CHST9: variants seen among roughly 807,000 people sequenced by gnomAD.
CHST9 encodes GalNAc-4-sulfotransferase 2.
In CHST9, 41 loss-of-function variants were observed where a neutral mutation model predicts 44.4. The observed-to-expected ratio is 0.92, with a 90% CI of 0.72 to 1.20. CHST9 has a LOEUF of 1.20. Among genes scored for constraint, CHST9 ranks in the 50% most tolerant of loss-of-function variants. The pLI is 0.00. For missense variants in CHST9, 504 were observed against 516.5 expected (o/e 0.98, Z 0.23); for synonymous variants, 171 against 178.4 (o/e 0.96, Z 0.33).
chr18:26,951,325 A>G (rs2056244675), intron 4 of CHST9, among the ~76,000 whole-genome samples: 1 of 152,158 alleles, frequency 6.6e-6, no homozygotes, highest in African/African-American at 2.4e-5. Flanking sequence ...TTGATTAATC[A>G]CCCCGAACTG....
At chr18:26,929,848 G>T (rs2055844585) in intron 5 of CHST9, among the ~76,000 whole-genome samples, 1 of 152,256 alleles carries the variant, frequency 6.6e-6, no homozygotes, top group East Asian at 1.9e-4. Context: ...AGGTGAAGCT[G>T]GGGGCTATGA....
chr18:26,957,827 C>T (rs1371979492), intron 4 of CHST9, among the ~76,000 whole-genome samples: 5 of 152,102 alleles, frequency 3.3e-5, no homozygotes, highest in Non-Finnish European at 5.9e-5. Flanking sequence ...TGCCTAGGTA[C>T]ATTTTATGTT....
rs2055384269 is a variant in CHST9 at position 26,907,388 on chromosome 18, G to A, written c.*8871C>T. On this transcript the variant is annotated 3_prime_UTR_variant, in exon 6 of 6. Coordinates refer to ENST00000618847, the MANE Select transcript of CHST9 (RefSeq NM_031422.6). ...GTTCAGCTTTGGTCATGTTGAGTTG[G>A]AAGCTCCAGTGAGACATCTAGATGA... 1 of 152,320 alleles carries A rather than the reference G, an allele frequency of 6.6e-6. No homozygotes were observed. Among genetic ancestry groups the A allele is most frequent in the Non-Finnish European group, 1.5e-5 (1 of 68,054 alleles). The allele number at this position is 152,320 out of a possible 1,614,324, so 9.4% of individuals were successfully genotyped here. A position where few individuals can be genotyped will look rare whatever the true frequency, so the allele number is the denominator to read the frequency against.
chr18:27,135,737 G>C (rs778331233), intron 2 of CHST9, among the ~76,000 whole-genome samples: 2 of 152,222 alleles, frequency 1.3e-5, no homozygotes, highest in Non-Finnish European at 2.9e-5. Flanking sequence ...TGTGGACCAA[G>C]GCACGTGTTC....
intron 5 of CHST9, among the ~76,000 whole-genome samples, chr18:26,921,486 G>A (rs1287609998): frequency 6.6e-6 from 1 of 152,052 alleles, no homozygotes; most frequent in East Asian, 1.9e-4. Context: ...ACCTTCTCCT[G>A]GAACTCCTCA....
At chr18:26,987,805 C>G (rs1351551483) in intron 4 of CHST9, among the ~76,000 whole-genome samples, 1 of 152,134 alleles carries the variant, frequency 6.6e-6, no homozygotes, top group Non-Finnish European at 1.5e-5. Flanking sequence ...AGAGAGCTTC[C>G]TTGCCCTTTC....
chr18:27,099,948 T>C (rs1035019651), intron 2 of CHST9, among the ~76,000 whole-genome samples: 2 of 151,896 alleles, frequency 1.3e-5, no homozygotes, highest in Non-Finnish European at 2.9e-5. Context: ...CTATTCACAA[T>C]AGCAAAGACA....
intron 2 of CHST9, among the ~76,000 whole-genome samples, chr18:27,100,754 T>C (rs763979205): frequency 6.6e-6 from 1 of 152,226 alleles, no homozygotes; most frequent in Non-Finnish European, 1.5e-5. Context: ...AAATAAATCA[T>C]AATATGATAA....
intron 5 of CHST9, among the ~76,000 whole-genome samples, chr18:26,932,324 A>C (rs565958549): frequency 8.3e-4 from 126 of 152,312 alleles, no homozygotes; most frequent in Non-Finnish European, 1.6e-3. Context: ...CCTTGCAACA[A>C]ATCTCCTTAT....
At chr18:27,171,335 C>T (rs1452382414) in intron 1 of CHST9, among the ~76,000 whole-genome samples, 1 of 152,134 alleles carries the variant, frequency 6.6e-6, no homozygotes, top group African/African-American at 2.4e-5. Flanking sequence ...CAGGAGGTAG[C>T]ATTACATGAG....
At chr18:27,082,682 T>G (rs2057972141) in intron 2 of CHST9, among the ~76,000 whole-genome samples, 1 of 152,244 alleles carries the variant, frequency 6.6e-6, no homozygotes, top group South Asian at 2.1e-4. Flanking sequence ...TGGTTTCCAC[T>G]GTCATTTACT....
intron 2 of CHST9, among the ~76,000 whole-genome samples, chr18:27,060,080 T>C (rs1297230616): frequency 6.6e-6 from 1 of 152,194 alleles, no homozygotes; most frequent in Non-Finnish European, 1.5e-5. Flanking sequence ...CCCCACCACT[T>C]GGGCACTTAG....
chr18:26,964,620 G>C (rs1223201652), intron 4 of CHST9, among the ~76,000 whole-genome samples: 1 of 152,228 alleles, frequency 6.6e-6, no homozygotes, highest in Non-Finnish European at 1.5e-5. Flanking sequence ...ACCAGTCAGG[G>C]CCTGGGCCAG....
intron 5 of CHST9, among the ~76,000 whole-genome samples, chr18:26,930,040 C>G (rs867662503): frequency 3.9e-5 from 6 of 152,210 alleles, no homozygotes; most frequent in South Asian, 4.1e-4. Context: ...ATCTACTGGT[C>G]CCAGATCAGA....
At chr18:27,184,748 C>T (rs1191400553) in intron 1 of CHST9, among the ~76,000 whole-genome samples, 1 of 152,170 alleles carries the variant, frequency 6.6e-6, no homozygotes, top group African/African-American at 2.4e-5. Context: ...TCTTTCCAAC[C>T]TCTGCATGCC....
In CHST9 at chr18:27,136,493, G is replaced by T. The variant is rs553451099; in HGVS notation, c.121+6196C>A. Among the ~76,000 whole-genome samples the T allele has an allele frequency of 2.0e-5, 3 of 152,302 alleles. No individual in the cohort carries two copies. In the South Asian group the frequency reaches 6.2e-4, roughly 32 times the overall value. Reference sequence around the variant, plus strand: ...ACAATGCTCACCATCTCTGCACACTGCAGGGTGGCTTAGTTGGAGTCCTAG... The same window carrying T: ...ACAATGCTCACCATCTCTGCACACTTCAGGGTGGCTTAGTTGGAGTCCTAG... On this transcript the variant is annotated intron_variant, in intron 2 of 5. Coordinates refer to ENST00000618847, the MANE Select transcript of CHST9 (RefSeq NM_031422.6).
intron 4 of CHST9, among the ~76,000 whole-genome samples, chr18:26,989,490 A>G (rs966568301): frequency 8.5e-5 from 13 of 152,250 alleles, no homozygotes; most frequent in African/African-American, 3.1e-4. Flanking sequence ...GTAACATGAA[A>G]TGGTGCAACC....
chr18:27,065,404 C>T (rs916976094), intron 2 of CHST9, among the ~76,000 whole-genome samples: 7 of 152,116 alleles, frequency 4.6e-5, no homozygotes, highest in African/African-American at 7.2e-5. Flanking sequence ...TTTCTTTTGC[C>T]TTCTAGGGGA....
intron 4 of CHST9, among the ~76,000 whole-genome samples, chr18:26,978,566 G>A (rs409532): frequency 6.6e-6 from 1 of 152,116 alleles, no homozygotes; most frequent in Non-Finnish European, 1.5e-5. Flanking sequence ...AGCGAAGACA[G>A]AAGTGTCTAT....
Sources: allele counts gnomAD v4.1 joint callset (sites outside exome capture counted in the v4.1 genomes callset), GRCh38; gene constraint gnomAD v4.1.1; transcripts MANE v1.5; gene names NCBI Gene and HGNC (gene_info 2026-07-23, HGNC 2026-07-21).